SLC29A1: variants seen among roughly 807,000 people sequenced by gnomAD.
The protein encoded by SLC29A1 is solute carrier family 29 member 1 (Augustine blood group).
In SLC29A1, 22 loss-of-function variants were observed where a neutral mutation model predicts 48.3. That is an observed-to-expected ratio of 0.46 (90% confidence interval 0.33 to 0.65). SLC29A1 has a LOEUF of 0.65. Ranked by LOEUF, SLC29A1 falls within the 30% of genes least tolerant of loss-of-function variation. The pLI, the probability that SLC29A1 is intolerant of heterozygous loss-of-function variation, is 0.03. For missense variants in SLC29A1, 491 were observed against 575.3 expected (o/e 0.85, Z 1.50); for synonymous variants, 228 against 231.0 (o/e 0.99, Z 0.12).
rs1480040049 is a variant in SLC29A1 at position 44,231,450 on chromosome 6, A to C, written c.853A>C (p.Ile285Leu). ...PTNESHSIKA[I>L]LKNISVLAFS... ...CAATGAAAGCCACTCTATCAAAGCC[A>C]TCCTGAAAAATGTACGTAGGGGAGG... The change falls in exon 9 of 13, where the codon ATC becomes CTC. Residue 285 changes from isoleucine to leucine, a missense_variant. By Grantham distance (5) the Ile-to-Leu change is conservative. Transcript: ENST00000371755. The C allele has an allele frequency of 6.2e-7, 1 of 1,601,968 alleles. No individual in the cohort carries two copies. The highest frequency in any genetic ancestry group is 1.1e-5 in the South Asian group (1 of 89,742).
chr6:44,223,511 TC>T, upstream of SLC29A1: 1 of 1,040,884 alleles, frequency 9.6e-7, no homozygotes. The surrounding 1 kb of genome is among the most constrained non-coding windows in gnomAD (Gnocchi z 5.0). Context: ...GCCGCGGGCG[TC>T]GGGGAGGTGG....
Position 44,223,772 on chromosome 6 carries a change from C to T in SLC29A1, c.-52+131C>T. On this transcript the variant is annotated intron_variant, in intron 1 of 12. Transcript: ENST00000371755. The surrounding 1 kb of genome is among the most constrained non-coding windows in gnomAD (Gnocchi z 5.0). Reference sequence around the variant, plus strand: ...CCCGGAGAAGGGACGCCGGGTGGGGCCCCAGTGCGGAGCGTGCGGAGCCGC... The same window carrying T: ...CCCGGAGAAGGGACGCCGGGTGGGGTCCCAGTGCGGAGCGTGCGGAGCCGC... The T allele has an allele frequency of 1.4e-5, 14 of 1,033,464 alleles. No homozygotes were observed. The highest frequency in any genetic ancestry group is 1.6e-5 in the Non-Finnish European group (14 of 857,272). The allele number at this position is 1,033,464 out of a possible 1,614,324, so 64.0% of individuals were successfully genotyped here. A position where few individuals can be genotyped will look rare whatever the true frequency, so the allele number is the denominator to read the frequency against.
At chr6:44,221,655 C>T (rs1422754225), upstream of SLC29A1, 5 of 1,289,564 alleles carry the variant, frequency 3.9e-6, no homozygotes, top group Non-Finnish European at 5.1e-6. The surrounding 1 kb of genome is among the most constrained non-coding windows in gnomAD (Gnocchi z 4.2). Flanking sequence ...GCTGGCAAGG[C>T]CTGGCTAGAA....
chr6:44,229,368 C>T lies in SLC29A1; in HGVS notation c.30-22C>T, dbSNP rs1286195444. ...GGGCAGGATGGTGCGTCATTTGGCC[C>T]ATCTTTCCTCCTCCATTGCAGATAC... On this transcript the variant is annotated intron_variant, in intron 2 of 12. Coordinates refer to ENST00000371755, the MANE Select transcript of SLC29A1 (RefSeq NM_001372327.1). The surrounding 1 kb of genome is among the most constrained non-coding windows in gnomAD (Gnocchi z 5.1). The T allele has an allele frequency of 6.3e-6, 10 of 1,595,452 alleles. No homozygotes were observed. The highest frequency in any genetic ancestry group is 8.6e-6 in the Non-Finnish European group (10 of 1,162,964).
At position 44,232,177 on chromosome 6, in the gene SLC29A1, G is replaced by C; in HGVS notation, c.973+71G>C. 7.6e-7 allele frequency: 1 copy of C among 1,307,230 alleles called. No individual in the cohort carries two copies. The highest frequency in any genetic ancestry group is 1.2e-5 in the South Asian group (1 of 84,126). 81.0% of individuals were successfully genotyped at this position (1,307,230 alleles called of 1,614,324 possible). Reference sequence around the variant, plus strand: ...AGTTGGGCTGGAAGTGGGGAAGGGAGGGAGCCTGGGTCACCTTCTCCCCGT... The same window carrying C: ...AGTTGGGCTGGAAGTGGGGAAGGGACGGAGCCTGGGTCACCTTCTCCCCGT... On this transcript the variant is annotated intron_variant, in intron 10 of 12. Coordinates refer to ENST00000371755, the MANE Select transcript of SLC29A1 (RefSeq NM_001372327.1). This position sits in a 1 kb window ranked among gnomAD's most constrained non-coding sequence, Gnocchi z 4.7.
intron 1 of SLC29A1, chr6:44,226,193 G>A: frequency 3.5e-6 from 3 of 868,664 alleles, no homozygotes; most frequent in Non-Finnish European, 4.1e-6. Flanking sequence ...GGGAGGGAAG[G>A]GAAGCTGTCC....
upstream of SLC29A1, among the ~76,000 whole-genome samples, chr6:44,220,961 C>G (rs1048827003): frequency 6.6e-6 from 1 of 152,188 alleles, no homozygotes; most frequent in African/African-American, 2.4e-5. Context: ...CTCACTGAAG[C>G]CTTGTCCTCC....
chr6:44,227,832 G>A (rs900863292), intron 2 of SLC29A1, among the ~76,000 whole-genome samples: 1 of 152,198 alleles, frequency 6.6e-6, no homozygotes, highest in Admixed American at 6.5e-5. Flanking sequence ...AGAGGCTGTA[G>A]CTTAATTCAA....
chr6:44,229,455 T>C lies in SLC29A1; in HGVS notation c.95T>C (p.Phe32Ser), dbSNP rs2153298425. 6.2e-7 allele frequency: 1 copy of C among 1,614,192 alleles called. No homozygotes were observed. The highest frequency in any genetic ancestry group is 8.5e-7 in the Non-Finnish European group (1 of 1,179,996). Reference protein sequence around the residue: ...GLGTLLPWNFFMTATQYFTNR... With the variant: ...GLGTLLPWNFSMTATQYFTNR... ...GGAACGCTGCTCCCGTGGAATTTTT[T>C]CATGACGGCCACTCAGGTGAGGCTG... Residue 32 changes from phenylalanine (F) to serine (S), a missense_variant, in exon 3 of 13, where the codon TTC (phenylalanine) becomes TCC (serine). By Grantham distance (155) the Phe-to-Ser change is radical (BLOSUM62 -2). Coordinates refer to ENST00000371755, the MANE Select transcript of SLC29A1 (RefSeq NM_001372327.1). This position sits in a 1 kb window ranked among gnomAD's most constrained non-coding sequence, Gnocchi z 5.1.
chr6:44,224,205 C>G (rs1310784381), intron 1 of SLC29A1, among the ~76,000 whole-genome samples: 1 of 151,974 alleles, frequency 6.6e-6, no homozygotes, highest in Non-Finnish European at 1.5e-5. Context: ...CTTTGCTTAC[C>G]AGGAGAGAGC....
chr6:44,228,384 C>T (rs763002803), intron 2 of SLC29A1, among the ~76,000 whole-genome samples: 1 of 152,218 alleles, frequency 6.6e-6, no homozygotes, highest in Non-Finnish European at 1.5e-5. Context: ...AAGCCTTTAG[C>T]TTCTCCAAGG....
In SLC29A1 at chr6:44,233,410, C is replaced by T. The variant is rs199774402; in HGVS notation, c.1260-7C>T. On this transcript the variant is annotated splice_polypyrimidine_tract_variant and splice_region_variant and intron_variant, in intron 12 of 12. Transcript: ENST00000371755. ...TGAGGTAGCCTTGCCCTTCCTTCCC[C>T]GCTTAGGAAAGTGAAGCCAGCTGAG... 17 of 1,611,088 alleles carry T rather than the reference C, an allele frequency of 1.1e-5. No individual in the cohort carries two copies. The highest frequency in any genetic ancestry group is 3.3e-5 in the Admixed American group (2 of 60,022).
chr6:44,231,410 C>G lies in SLC29A1; in HGVS notation c.813C>G (p.Ser271=), dbSNP rs746165768. The stretch of plus-strand genomic sequence containing the variant: ...AAGAGGAATCTGGAGTTTCAGTCTC[C>G]AACTCTCAGCCCACCAATGAAAGCC... The part of the protein sequence containing the change: ...AGKEESGVSV[S]NSQPTNESHS... The change falls in exon 9 of 13, where the codon TCC becomes TCG. Residue 271 remains serine (S), a synonymous_variant. Transcript: ENST00000371755. 4 of 1,605,922 alleles carry G rather than the reference C, an allele frequency of 2.5e-6. No homozygotes were observed. The Admixed American group carries it at 6.7e-5, about 27-fold the overall frequency.
chr6:44,230,277 G>T, intron 5 of SLC29A1, 70 bp from the exon 6 acceptor site: 2 of 1,572,036 alleles, frequency 1.3e-6, no homozygotes, highest in Non-Finnish European at 1.7e-6. Flanking sequence ...GAATGACAGG[G>T]ATCTGTCTTC....
rs45458701 is a variant in SLC29A1 at position 44,232,918 on chromosome 6, G to A, written c.1171G>A (p.Glu391Lys). 1,088 of 1,614,158 alleles carry A rather than the reference G, an allele frequency of 6.7e-4. 8 individuals are homozygous for A. The African/African-American group carries it at 0.012, about 18-fold the overall frequency. Residue 391 changes from glutamate (E) to lysine (K), a missense_variant, in exon 12 of 13, where the codon GAG (glutamate) becomes AAG (lysine). Coordinates refer to ENST00000371755, the MANE Select transcript of SLC29A1 (RefSeq NM_001372327.1). This position sits in a 1 kb window ranked among gnomAD's most constrained non-coding sequence, Gnocchi z 4.7. ...KPRRYLTVVF[E>K]HDAWFIFFMA... is the part of the protein sequence containing the mutation. ...CCGCCGCTACCTGACTGTGGTCTTC[G>A]AGCACGATGCCTGGTTCATCTTCTT...
At position 44,223,739 on chromosome 6, in the gene SLC29A1, C is replaced by T; in HGVS notation, c.-52+98C>T. The T allele has an allele frequency of 9.6e-7, 1 of 1,042,536 alleles. No individual in the cohort carries two copies. Among genetic ancestry groups the T allele is most frequent in the Non-Finnish European group, 1.2e-6 (1 of 862,362 alleles). The allele number at this position is 1,042,536 out of a possible 1,614,324, so 64.6% of individuals were successfully genotyped here. A position where few individuals can be genotyped will look rare whatever the true frequency, so the allele number is the denominator to read the frequency against. ...AGGGCAGGGAGGGCGGGCCTGACGG[C>T]TCCGCAGCCCGGAGAAGGGACGCCG... is the stretch of plus-strand genomic sequence containing the variant. On this transcript the variant is annotated intron_variant, in intron 1 of 12. Coordinates refer to ENST00000371755, the MANE Select transcript of SLC29A1 (RefSeq NM_001372327.1). This position sits in a 1 kb window ranked among gnomAD's most constrained non-coding sequence, Gnocchi z 5.0.
intron 2 of SLC29A1, among the ~76,000 whole-genome samples, chr6:44,228,616 T>G (rs574018191): frequency 6.6e-6 from 1 of 152,236 alleles, no homozygotes. Flanking sequence ...ACTGGAGATC[T>G]ACATGGGCCG....
In SLC29A1 at chr6:44,232,876, C is replaced by G; in HGVS notation, c.1129C>G (p.Leu377Val). 2 of 1,614,050 alleles carry G rather than the reference C, an allele frequency of 1.2e-6. No homozygotes were observed. The highest frequency in any genetic ancestry group is 2.2e-5 in the South Asian group (2 of 91,090). ...ARLVFVPLLLLCNIKPRRYLT... is the reference protein window; with the variant it reads ...ARLVFVPLLLVCNIKPRRYLT... ...GCTGGTGTTTGTGCCACTGCTGCTG[C>G]TGTGCAACATTAAGCCCCGCCGCTA... Residue 377 changes from leucine (L) to valine (V), a missense_variant, in exon 12 of 13, where the codon CTG becomes GTG. Transcript: ENST00000371755. The surrounding 1 kb of genome is among the most constrained non-coding windows in gnomAD (Gnocchi z 4.7).
chr6:44,225,854 C>A lies in SLC29A1; in HGVS notation c.-51-1409C>A, dbSNP rs115893183. ...GCTGCTTCTGTTTGTCTGAGTGGGG[C>A]CAGAAGCAATGCTGCACCTGCGAGA... On this transcript the variant is annotated intron_variant, in intron 1 of 12. Coordinates refer to ENST00000371755, the MANE Select transcript of SLC29A1 (RefSeq NM_001372327.1). 4.4e-3 allele frequency: 673 copies of A among 152,156 alleles called. 2 individuals are homozygous for A. Among genetic ancestry groups the A allele is most frequent in the Middle Eastern group, 0.014 (4 of 296 alleles). 9.4% of individuals were successfully genotyped at this position (152,156 alleles called of 1,614,324 possible).
Sources: gnomAD v4.1 joint callset for allele counts (sites outside exome capture counted in the v4.1 genomes callset) on GRCh38, gnomAD v4.1.1 for gene constraint, Gnocchi (gnomAD v3.1) non-coding constraint, MANE v1.5 for transcripts, NCBI Gene and HGNC (gene_info 2026-07-23, HGNC 2026-07-21) for gene names.